The following ZFP3 variants were observed in gnomAD, a reference collection of about 807,000 sequenced individuals.
ZFP3 encodes ZFP3 zinc finger protein, also known as zinc finger protein 3 homolog.
Under a neutral mutation model 36.7 loss-of-function variants are expected in ZFP3, and 18 were observed. The ratio of observed to expected loss-of-function variants is 0.49; its 90% confidence interval spans 0.34 to 0.73. ZFP3 has a LOEUF of 0.73. Among genes scored for constraint, ZFP3 ranks in the 30% least tolerant of loss-of-function variants. ZFP3 has a pLI of 0.01. For synonymous variants in ZFP3, 218 were observed against 199.0 expected (o/e 1.10, Z -0.81); for missense variants, 495 against 599.0 (o/e 0.83, Z 1.81).
In ZFP3 at chr17:5,095,556, T is replaced by C. The variant is rs955711029; in HGVS notation, c.*2543T>C. Reference sequence around the variant, plus strand: ...CTTCAAGCTTCTCCTAAACAATCTATGCACACAAACACCCCTGAGCAATAT... The same window carrying C: ...CTTCAAGCTTCTCCTAAACAATCTACGCACACAAACACCCCTGAGCAATAT... On this transcript the variant is annotated 3_prime_UTR_variant, in exon 2 of 2. Transcript: ENST00000318833. 1 of 166,798 alleles carries C rather than the reference T, an allele frequency of 6.0e-6. No individual in the cohort carries two copies. The highest frequency in any genetic ancestry group is 2.4e-5 in the African/African-American group (1 of 41,354). The allele number at this position is 166,798 out of a possible 1,614,324, so 10.3% of individuals were successfully genotyped here. A position where few individuals can be genotyped will look rare whatever the true frequency, so the allele number is the denominator to read the frequency against.
Position 5,093,445 on chromosome 17 carries a change from G to A in ZFP3, c.*432G>A, listed in dbSNP as rs2072161818. 1 of 174,130 alleles carries A rather than the reference G, an allele frequency of 5.7e-6. No individual in the cohort carries two copies. Among genetic ancestry groups the A allele is most frequent in the Non-Finnish European group, 1.4e-5 (1 of 72,700 alleles). 10.8% of individuals were successfully genotyped at this position (174,130 alleles called of 1,614,324 possible). Reference sequence around the variant, plus strand: ...TCCTTCCCCTTCTCCTCCCCCAGTGGATCACATAACAAACATTAAGGGTCT... The same window carrying A: ...TCCTTCCCCTTCTCCTCCCCCAGTGAATCACATAACAAACATTAAGGGTCT... On this transcript the variant is annotated 3_prime_UTR_variant, in exon 2 of 2. Coordinates refer to ENST00000318833, the MANE Select transcript of ZFP3 (RefSeq NM_153018.3).
chr17:5,093,123 C>A lies in ZFP3; in HGVS notation c.*110C>A. On this transcript the variant is annotated 3_prime_UTR_variant, in exon 2 of 2. Transcript: ENST00000318833. ...ATTCAAATCCAATGAATGGACAGAA[C>A]CTCCTCTGTCCTCCCACTGATTTTA... 2 of 1,112,048 alleles carry A rather than the reference C, an allele frequency of 1.8e-6. No individual in the cohort carries two copies. The highest frequency in any genetic ancestry group is 2.5e-6 in the Non-Finnish European group (2 of 798,626). The allele number at this position is 1,112,048 out of a possible 1,614,324, so 68.9% of individuals were successfully genotyped here.
chr17:5,086,949 C>T (rs1013038479), intron 1 of ZFP3, among the ~76,000 whole-genome samples: 4 of 151,908 alleles, frequency 2.6e-5, no homozygotes, highest in Admixed American at 6.6e-5. Context: ...AAGATGGTCT[C>T]GATCTCCTGA....
chr17:5,093,096 G>A lies in ZFP3; in HGVS notation c.*83G>A, dbSNP rs2143535025. On this transcript the variant is annotated 3_prime_UTR_variant, in exon 2 of 2. Coordinates refer to ENST00000318833, the MANE Select transcript of ZFP3 (RefSeq NM_153018.3). Reference sequence around the variant, plus strand: ...CATAATATGCAAATATGCACCCCAAGTATTCAAATCCAATGAATGGACAGA... The same window carrying A: ...CATAATATGCAAATATGCACCCCAAATATTCAAATCCAATGAATGGACAGA... 3 of 1,381,728 alleles carry A rather than the reference G, an allele frequency of 2.2e-6. No homozygotes were observed. Among genetic ancestry groups the A allele is most frequent in the African/African-American group, 1.5e-5 (1 of 68,360 alleles). 85.6% of individuals were successfully genotyped at this position (1,381,728 alleles called of 1,614,324 possible). A position where few individuals can be genotyped will look rare whatever the true frequency, so the allele number is the denominator to read the frequency against.
At chr17:5,085,048 T>C (rs1356283791) in intron 1 of ZFP3, among the ~76,000 whole-genome samples, 1 of 152,104 alleles carries the variant, frequency 6.6e-6, no homozygotes, top group Non-Finnish European at 1.5e-5. Context: ...AGGCTTTCTG[T>C]GTTTTTTTTG....
rs1287437305 is a variant in ZFP3, at chr17:5,093,653, T to TA, written c.*641dup. 2 of 167,092 alleles carry TA rather than the reference T, an allele frequency of 1.2e-5. No individual in the cohort carries two copies. The highest frequency in any genetic ancestry group is 4.8e-5 in the African/African-American group (2 of 41,446). 10.4% of individuals were successfully genotyped at this position (167,092 alleles called of 1,614,324 possible). A position where few individuals can be genotyped will look rare whatever the true frequency, so the allele number is the denominator to read the frequency against. ...GCATTGGAATAATTTAGTAAGCTGTTATTAGCTTCAAAGTCGTCCAGCCCT... is the reference window on the plus strand; with the variant it reads ...GCATTGGAATAATTTAGTAAGCTGTTAATTAGCTTCAAAGTCGTCCAGCCCT... On this transcript the variant is annotated 3_prime_UTR_variant, in exon 2 of 2. Transcript: ENST00000318833.
intron 1 of ZFP3, among the ~76,000 whole-genome samples, chr17:5,088,708 A>G (rs2143528559): frequency 6.6e-6 from 1 of 152,250 alleles, no homozygotes; most frequent in Middle Eastern, 3.4e-3. Flanking sequence ...TCGGCCTCCC[A>G]AAGTGCTGGA....
At chr17:5,090,996 A>G (rs1248806787) in intron 1 of ZFP3, among the ~76,000 whole-genome samples, 1 of 152,014 alleles carries the variant, frequency 6.6e-6, no homozygotes, top group Non-Finnish European at 1.5e-5. Context: ...TTTATCGTAT[A>G]CCTATCTATT....
At chr17:5,082,367 AAAAT>A (rs1296703237) in intron 1 of ZFP3, among the ~76,000 whole-genome samples, 1 of 152,072 alleles carries the variant, frequency 6.6e-6, no homozygotes, top group Non-Finnish European at 1.5e-5. Context: ...TAAGTAAAAT[AAAAT>A]AAATAAAGAC....
intron 1 of ZFP3, among the ~76,000 whole-genome samples, chr17:5,080,527 T>TTTGGATGAGAAACA (rs2072087845): frequency 6.6e-6 from 1 of 152,116 alleles, no homozygotes; most frequent in South Asian, 2.1e-4. Context: ...TCCAAAACAT[T>TTTGGATGAGAAACA]TCCATTTCTC....
chr17:5,084,638 A>G (rs1326392611), intron 1 of ZFP3, among the ~76,000 whole-genome samples: 1 of 152,150 alleles, frequency 6.6e-6, no homozygotes, highest in African/African-American at 2.4e-5. Flanking sequence ...AGGTCTGCCA[A>G]GTTGAGGGTC....
rs1485530586 is a variant in ZFP3, at chr17:5,093,534, CTAAGAA to C, written c.*523_*528del. Reference sequence around the variant, plus strand: ...TGTGGGAACAGGATTCCACCACCTCCTAAGAATGAGAGTTGACTCATTGACTGTTAC... The same window carrying C: ...TGTGGGAACAGGATTCCACCACCTCCTGAGAGTTGACTCATTGACTGTTAC... On this transcript the variant is annotated 3_prime_UTR_variant, in exon 2 of 2. Coordinates refer to ENST00000318833, the MANE Select transcript of ZFP3 (RefSeq NM_153018.3). 4.2e-5 allele frequency: 7 copies of C among 167,396 alleles called. No homozygotes were observed. The highest frequency in any genetic ancestry group is 7.2e-5 in the African/African-American group (3 of 41,442). The allele number at this position is 167,396 out of a possible 1,614,324, so 10.4% of individuals were successfully genotyped here. A position where few individuals can be genotyped will look rare whatever the true frequency, so the allele number is the denominator to read the frequency against.
chr17:5,084,908 C>T (rs1052053555), intron 1 of ZFP3, among the ~76,000 whole-genome samples: 3 of 152,160 alleles, frequency 2.0e-5, no homozygotes, highest in Non-Finnish European at 4.4e-5. Flanking sequence ...AAGAATCAAC[C>T]AAATGGAGAT....
In ZFP3 at chr17:5,093,708, A is replaced by T. The variant is rs1213581685; in HGVS notation, c.*695A>T. 1 of 167,140 alleles carries T rather than the reference A, an allele frequency of 6.0e-6. No homozygotes were observed. The highest frequency in any genetic ancestry group is 1.5e-5 in the Non-Finnish European group (1 of 68,134). 10.4% of individuals were successfully genotyped at this position (167,140 alleles called of 1,614,324 possible). A position where few individuals can be genotyped will look rare whatever the true frequency, so the allele number is the denominator to read the frequency against. Reference sequence around the variant, plus strand: ...TGAAGTTACTTTAGAAGATGGCAGCATTAATGAAGAAGCAGGCTCATTTCA... The same window carrying T: ...TGAAGTTACTTTAGAAGATGGCAGCTTTAATGAAGAAGCAGGCTCATTTCA... On this transcript the variant is annotated 3_prime_UTR_variant, in exon 2 of 2. Coordinates refer to ENST00000318833, the MANE Select transcript of ZFP3 (RefSeq NM_153018.3).
At chr17:5,087,976 G>C (rs2072129716) in intron 1 of ZFP3, among the ~76,000 whole-genome samples, 1 of 152,142 alleles carries the variant, frequency 6.6e-6, no homozygotes, top group Admixed American at 6.6e-5. Flanking sequence ...GATAACTGGA[G>C]CACTCGTGAC....
rs1181857526 is a variant in ZFP3, at chr17:5,095,644, C to T, written c.*2631C>T. On this transcript the variant is annotated 3_prime_UTR_variant, in exon 2 of 2. Coordinates refer to ENST00000318833, the MANE Select transcript of ZFP3 (RefSeq NM_153018.3). ...AGTTCACATTGTGCATCCTATTAGA[C>T]ATTTTGTTCTCAGAAGTACCTTACT... The T allele has an allele frequency of 6.0e-6, 1 of 166,718 alleles. No individual in the cohort carries two copies. The highest frequency in any genetic ancestry group is 2.4e-5 in the African/African-American group (1 of 41,320). 10.3% of individuals were successfully genotyped at this position (166,718 alleles called of 1,614,324 possible).
intron 1 of ZFP3, among the ~76,000 whole-genome samples, chr17:5,085,409 C>T (rs2072115829): frequency 1.3e-5 from 2 of 151,608 alleles, no homozygotes; most frequent in Admixed American, 1.3e-4. Flanking sequence ...TGCTCTGTCG[C>T]CCAGGCTGGA....
chr17:5,090,059 A>G (rs905393709), intron 1 of ZFP3, among the ~76,000 whole-genome samples: 1 of 152,252 alleles, frequency 6.6e-6, no homozygotes, highest in Non-Finnish European at 1.5e-5. Flanking sequence ...TGCTATATAT[A>G]TAAGTAATAG....
chr17:5,085,903 A>G (rs1226724956), intron 1 of ZFP3, among the ~76,000 whole-genome samples: 1 of 152,218 alleles, frequency 6.6e-6, no homozygotes, highest in Non-Finnish European at 1.5e-5. Context: ...ATGGAGACTG[A>G]AATGGCAGCT....
Sources: gnomAD v4.1 joint callset for allele counts (sites outside exome capture counted in the v4.1 genomes callset) on GRCh38, gnomAD v4.1.1 for gene constraint, MANE v1.5 for transcripts, NCBI Gene and HGNC (gene_info 2026-07-23, HGNC 2026-07-21) for gene names.